The following ASIC2 variants were observed in gnomAD, a reference collection of about 807,000 sequenced individuals.
The protein encoded by ASIC2 is acid-sensing ion channel 2.
ASIC2 carries 25 observed loss-of-function variants against 57.3 expected under a neutral mutation model. That is an observed-to-expected ratio of 0.44 (90% confidence interval 0.32 to 0.61). The LOEUF is 0.61. ASIC2 is among the 20% of genes least tolerant of loss of function. The pLI is 0.06. For synonymous variants in ASIC2, 319 were observed against 307.5 expected (o/e 1.04, Z -0.39); for missense variants, 641 against 738.1 (o/e 0.87, Z 1.52).
intron 1 of ASIC2, among the ~76,000 whole-genome samples, chr17:33,199,061 T>A (rs1906752743): frequency 6.6e-6 from 1 of 152,222 alleles, no homozygotes; most frequent in African/African-American, 2.4e-5. Context: ...AAATGATAAG[T>A]CTGTTAACGA....
chr17:33,969,603 C>T (rs552814986), intron 1 of ASIC2, among the ~76,000 whole-genome samples: 2 of 152,308 alleles, frequency 1.3e-5, no homozygotes, highest in African/African-American at 4.8e-5. Flanking sequence ...GAGGCTCCGT[C>T]CCACTGGGGT....
At chr17:33,661,243 C>CT (rs1907253489) in intron 1 of ASIC2, among the ~76,000 whole-genome samples, 1 of 152,208 alleles carries the variant, frequency 6.6e-6, no homozygotes, top group African/African-American at 2.4e-5. Context: ...GTCTCGCAAG[C>CT]TACCACCCTG....
At chr17:33,314,368 A>C (rs142255068) in intron 1 of ASIC2, among the ~76,000 whole-genome samples, 1 of 152,314 alleles carries the variant, frequency 6.6e-6, no homozygotes, top group East Asian at 1.9e-4. Context: ...CTTTCTCAGG[A>C]CACAATTCCT....
At chr17:33,841,632 G>A (rs188120013) in intron 1 of ASIC2, among the ~76,000 whole-genome samples, 6 of 152,330 alleles carry the variant, frequency 3.9e-5, no homozygotes, top group Admixed American at 2.0e-4. Flanking sequence ...AAGAGTCCCC[G>A]TGGTATAAGC....
At chr17:33,960,178 A>G (rs1342952478) in intron 1 of ASIC2, among the ~76,000 whole-genome samples, 1 of 152,200 alleles carries the variant, frequency 6.6e-6, no homozygotes, top group African/African-American at 2.4e-5. Context: ...TCTCGTGTGG[A>G]AACTGCTGCA....
chr17:33,518,922 G>A (rs921474155), intron 1 of ASIC2, among the ~76,000 whole-genome samples: 4 of 151,818 alleles, frequency 2.6e-5, no homozygotes, highest in South Asian at 2.1e-4. Flanking sequence ...CCGGGTTCAC[G>A]CCATTCTCCT....
intron 1 of ASIC2, among the ~76,000 whole-genome samples, chr17:33,456,928 T>A (rs1463520113): frequency 6.6e-6 from 1 of 152,324 alleles, no homozygotes; most frequent in South Asian, 2.1e-4. Flanking sequence ...TGTGGCAAAG[T>A]GTCTAAATTG....
rs146036316 is a variant in ASIC2, at chr17:33,222,300, G to A, written c.708+69108C>T. Among the ~76,000 whole-genome samples the A allele has an allele frequency of 7.3e-3, 1,119 of 152,270 alleles. 15 individuals are homozygous for A. The highest frequency in any genetic ancestry group is 0.026 in the African/African-American group (1,065 of 41,546). The stretch of plus-strand genomic sequence containing the variant: ...TACAACATGGATGAACCTCTAAAAC[G>A]TTATAAGTGAAAGAAGTCAGACACA... On this transcript the variant is annotated intron_variant, in intron 1 of 9. Transcript: ENST00000225823.
intron 1 of ASIC2, among the ~76,000 whole-genome samples, chr17:33,895,353 G>A (rs1434957799): frequency 6.6e-6 from 1 of 151,990 alleles, no homozygotes; most frequent in Non-Finnish European, 1.5e-5. Flanking sequence ...AGTAGAGACG[G>A]GGTTTCACCA....
intron 1 of ASIC2, among the ~76,000 whole-genome samples, chr17:33,547,451 G>A (rs868251316): frequency 7.9e-5 from 12 of 152,172 alleles, no homozygotes; most frequent in African/African-American, 2.6e-4. Context: ...CCATTTGCTG[G>A]CTGTCTTTCC....
At chr17:34,114,486 A>C (rs771426250) in intron 1 of ASIC2, among the ~76,000 whole-genome samples, 4 of 152,180 alleles carry the variant, frequency 2.6e-5, no homozygotes, top group Non-Finnish European at 5.9e-5. Flanking sequence ...CAAGGAAAAA[A>C]TAATACCCAA....
At chr17:33,838,396 C>A (rs1913334250) in intron 1 of ASIC2, among the ~76,000 whole-genome samples, 1 of 152,090 alleles carries the variant, frequency 6.6e-6, no homozygotes, top group South Asian at 2.1e-4. Context: ...AGGCTTCACC[C>A]AGATCATGTT....
At chr17:33,467,210 G>A (rs1490574160) in intron 1 of ASIC2, among the ~76,000 whole-genome samples, 2 of 152,070 alleles carry the variant, frequency 1.3e-5, no homozygotes, top group Non-Finnish European at 1.5e-5. Flanking sequence ...CAAAGTGTTG[G>A]GATTACAGGC....
At chr17:33,275,045 C>G (rs1032229828) in intron 1 of ASIC2, among the ~76,000 whole-genome samples, 1 of 152,180 alleles carries the variant, frequency 6.6e-6, no homozygotes, top group African/African-American at 2.4e-5. Flanking sequence ...GCTCAGGGTA[C>G]CTGGGAGGCC....
In ASIC2 at chr17:33,252,691, C is replaced by T. The variant is rs139564759; in HGVS notation, c.708+38717G>A. On this transcript the variant is annotated intron_variant, in intron 1 of 9. Coordinates refer to ENST00000225823, the MANE Select transcript of ASIC2 (RefSeq NM_183377.2). ...TACCTGATCTCGTGTGTCCCTTGCA[C>T]TTGACTCTATTTCTTGGCAATTCTT... Among the ~76,000 whole-genome samples the T allele has an allele frequency of 1.6e-4, 25 of 152,116 alleles. No individual in the cohort carries two copies. The East Asian group carries it at 4.8e-3, about 29-fold the overall frequency.
chr17:33,636,758 G>A (rs1906379770), intron 1 of ASIC2, among the ~76,000 whole-genome samples: 4 of 151,968 alleles, frequency 2.6e-5, no homozygotes, highest in African/African-American at 7.3e-5. Context: ...ACCAATATGA[G>A]CTCAGACACT....
intron 1 of ASIC2, among the ~76,000 whole-genome samples, chr17:33,584,665 G>C (rs1738360323): frequency 6.8e-6 from 1 of 147,708 alleles, no homozygotes; most frequent in Admixed American, 6.8e-5. Flanking sequence ...TCAGAGAGTG[G>C]CAGGAGATCC....
chr17:33,737,944 T>C (rs1462873144), intron 1 of ASIC2, among the ~76,000 whole-genome samples: 1 of 151,980 alleles, frequency 6.6e-6, no homozygotes, highest in Non-Finnish European at 1.5e-5. Context: ...AAACCCAACT[T>C]GGTAAACAAA....
At chr17:33,402,293 A>AT (rs1910312751) in intron 1 of ASIC2, among the ~76,000 whole-genome samples, 1 of 151,762 alleles carries the variant, frequency 6.6e-6, no homozygotes. Flanking sequence ...ATTTTATTTT[A>AT]TTTTTTTAAG....
Sources: allele counts gnomAD v4.1 joint callset (sites outside exome capture counted in the v4.1 genomes callset), GRCh38; gene constraint gnomAD v4.1.1; transcripts MANE v1.5; gene names NCBI Gene and HGNC (gene_info 2026-07-23, HGNC 2026-07-21).